Variants in HECW2 observed in about 807,000 individuals in gnomAD.
HECW2 encodes HECT, C2 and WW domain containing E3 ubiquitin protein ligase 2.
Under a neutral mutation model 175.2 loss-of-function variants are expected in HECW2, and 61 were observed. The ratio of observed to expected loss-of-function variants is 0.35; its 90% CI spans 0.28 to 0.43. The LOEUF (loss-of-function observed/expected upper bound fraction) is 0.43. HECW2 is among the 20% of genes least tolerant of loss of function. The probability of loss-of-function intolerance (pLI) is 1.00; values close to 1 mark genes in which losing one functional copy is unlikely to be tolerated. For missense variants in HECW2, 1,524 were observed against 2,000.5 expected (o/e 0.76, Z 4.54); for synonymous variants, 671 against 731.0 (o/e 0.92, Z 1.32).
intron 25 of HECW2, 30 bp downstream of exon 25, chr2:196,220,765 C>T: frequency 6.2e-7 from 1 of 1,612,340 alleles, no homozygotes; most frequent in East Asian, 2.2e-5. Context: ...TATCAGACTG[C>T]AAACTCCTCC....
At position 196,568,871 on chromosome 2, in the gene HECW2, T is replaced by TC. The variant is rs1690277575; in HGVS notation, c.-36+24636dup. 2.6e-5 allele frequency among the ~76,000 whole-genome samples: 4 copies of TC among 152,324 alleles called. No homozygotes were observed. In the South Asian group the frequency reaches 8.3e-4, roughly 32 times the overall value. ...GGAGACAGAGAAATTGATAACCTGG[T>TC]CGCTGTAGCATCCCCAGCATCCACA... On this transcript the variant is annotated intron_variant, in intron 1 of 28. Transcript: ENST00000644978.
chr2:196,343,822 G>A, intron 2 of HECW2, 58 bp from the exon 3 acceptor site: 1 of 1,053,670 alleles, frequency 9.5e-7, no homozygotes, highest in South Asian at 1.3e-5. Context: ...TCCGTAGCAG[G>A]AAGATTAACA....
At chr2:196,512,634 A>G (rs1302376682) in intron 1 of HECW2, among the ~76,000 whole-genome samples, 1 of 151,144 alleles carries the variant, frequency 6.6e-6, no homozygotes, top group Admixed American at 6.6e-5. Flanking sequence ...AAGCAATCCT[A>G]CCGCAACCTC....
chr2:196,501,265 A>C (rs939042769), intron 1 of HECW2, among the ~76,000 whole-genome samples: 1 of 152,194 alleles, frequency 6.6e-6, no homozygotes, highest in African/African-American at 2.4e-5. Flanking sequence ...AAGGGATGCC[A>C]CAATTACAGA....
rs4387814 is a variant in HECW2, at chr2:196,275,557, T to C, written c.3136-1434A>G. ...TTACAAGGTCAACAGATCGAGACCATCCTGGCCAACATGGTGAAACCCCAT... is the reference window on the plus strand; with the variant it reads ...TTACAAGGTCAACAGATCGAGACCACCCTGGCCAACATGGTGAAACCCCAT... On this transcript the variant is annotated intron_variant, in intron 15 of 28. Coordinates refer to ENST00000644978, the MANE Select transcript of HECW2 (RefSeq NM_001348768.2). Among the ~76,000 whole-genome samples, 12 of 152,030 alleles carry C rather than the reference T, an allele frequency of 7.9e-5. No homozygotes were observed. In the South Asian group the frequency reaches 1.0e-3, roughly 13 times the overall value.
chr2:196,503,437 A>C (rs1040038633), intron 1 of HECW2, among the ~76,000 whole-genome samples: 3 of 152,188 alleles, frequency 2.0e-5, no homozygotes, highest in African/African-American at 7.2e-5. Context: ...CTACAGGCAG[A>C]GGTAGATTGT....
intron 1 of HECW2, among the ~76,000 whole-genome samples, chr2:196,466,670 A>G (rs1405859315): frequency 6.6e-6 from 1 of 152,184 alleles, no homozygotes; most frequent in Non-Finnish European, 1.5e-5. Context: ...GTGAGATTTG[A>G]AGCAGATCTT....
chr2:196,501,945 C>G (rs1034862832), intron 1 of HECW2, among the ~76,000 whole-genome samples: 9 of 152,162 alleles, frequency 5.9e-5, no homozygotes, highest in Non-Finnish European at 8.8e-5. Flanking sequence ...CAGGATGAAT[C>G]TCACTTTACA....
chr2:196,546,633 C>A (rs1270306053), intron 1 of HECW2, among the ~76,000 whole-genome samples: 1 of 152,188 alleles, frequency 6.6e-6, no homozygotes. Context: ...GCTTGACCTA[C>A]CTAAAGGTTT....
chr2:196,351,359 CT>C (rs1693165328), intron 2 of HECW2, among the ~76,000 whole-genome samples: 1 of 151,542 alleles, frequency 6.6e-6, no homozygotes, highest in Non-Finnish European at 1.5e-5. Context: ...GAAAATTATC[CT>C]TTTAAGATAA....
At chr2:196,310,292 C>T (rs528005523) in intron 10 of HECW2, among the ~76,000 whole-genome samples, 1 of 152,240 alleles carries the variant, frequency 6.6e-6, no homozygotes, top group South Asian at 2.1e-4. Flanking sequence ...AAAATTATCC[C>T]TATCAAATAC....
intron 5 of HECW2, among the ~76,000 whole-genome samples, chr2:196,327,459 C>T (rs776238858): frequency 8.5e-5 from 13 of 152,114 alleles, no homozygotes; most frequent in South Asian, 2.1e-4. Context: ...AAAGGTTTGA[C>T]GTGTTAAATA....
At chr2:196,388,360 A>G (rs1168025109) in intron 2 of HECW2, among the ~76,000 whole-genome samples, 1 of 152,144 alleles carries the variant, frequency 6.6e-6, no homozygotes, top group Non-Finnish European at 1.5e-5. Context: ...TTGTTTTTTC[A>G]TGGCTTTCTT....
intron 2 of HECW2, among the ~76,000 whole-genome samples, chr2:196,386,206 G>C (rs548331475): frequency 1.3e-5 from 2 of 152,172 alleles, no homozygotes; most frequent in Admixed American, 6.5e-5. Flanking sequence ...AGATGGAAAG[G>C]GGAGATGGAC....
At chr2:196,413,718 A>C (rs534650598) in intron 2 of HECW2, among the ~76,000 whole-genome samples, 15 of 152,196 alleles carry the variant, frequency 9.9e-5, no homozygotes, top group Non-Finnish European at 1.6e-4. Context: ...CACTATAAAA[A>C]TATTATCATG....
At chr2:196,574,456 A>C (rs1476836769) in intron 1 of HECW2, among the ~76,000 whole-genome samples, 1 of 152,230 alleles carries the variant, frequency 6.6e-6, no homozygotes. Context: ...AGAATAAAAT[A>C]CTTAGGAATA....
intron 2 of HECW2, among the ~76,000 whole-genome samples, chr2:196,401,844 A>T (rs975959173): frequency 6.6e-6 from 1 of 152,192 alleles, no homozygotes; most frequent in Non-Finnish European, 1.5e-5. Flanking sequence ...AAGTTAAGAC[A>T]TGGAATCAAG....
chr2:196,292,744 A>C lies in HECW2; in HGVS notation c.2821T>G (p.Tyr941Asp), dbSNP rs1222680276. 6.2e-7 allele frequency: 1 copy of C among 1,610,918 alleles called. No homozygotes were observed. Among genetic ancestry groups the C allele is most frequent in the Non-Finnish European group, 8.5e-7 (1 of 1,177,532 alleles). ...CACGTGTTGTTTGTAAACATGCGGT[A>C]GGCACTCTAAAGAAAAGAATGGAGA... ...FTVLHSNPSA[Y>D]RMFTNNTCLK... The change falls in exon 14 of 29, where the codon TAC (tyrosine) becomes GAC (aspartate). Residue 941 changes from tyrosine to aspartate, a missense_variant. Physicochemically the swap from Tyr to Asp is radical, Grantham distance 160 (BLOSUM62 -3). This residue lies in a region of HECW2 where 105 missense variants were observed against 98.1 expected (regional missense o/e 1.07). Transcript: ENST00000644978.
At chr2:196,568,681 T>C (rs1278306729) in intron 1 of HECW2, among the ~76,000 whole-genome samples, 1 of 152,178 alleles carries the variant, frequency 6.6e-6, no homozygotes, top group Non-Finnish European at 1.5e-5. Flanking sequence ...TGTGATACTC[T>C]TGCAATGCTG....
Sources: gnomAD v4.1 joint callset for allele counts (sites outside exome capture counted in the v4.1 genomes callset) on GRCh38, gnomAD v4.1.1 for gene constraint, gnomAD v4.1.1 regional missense constraint, MANE v1.5 for transcripts, NCBI Gene and HGNC (gene_info 2026-07-23, HGNC 2026-07-21) for gene names.